Variants in KCNH7 observed in about 807,000 individuals in gnomAD.
KCNH7 encodes potassium voltage-gated channel subfamily H member 7.
In KCNH7, 49 loss-of-function variants were observed where a neutral mutation model predicts 120.8. That is an observed-to-expected ratio of 0.41 (90% confidence interval 0.32 to 0.51). KCNH7 has a LOEUF of 0.51. KCNH7 is among the 20% of genes least tolerant of loss of function. The pLI is 0.38. For missense variants in KCNH7, 1,097 were observed against 1,446.6 expected (o/e 0.76, Z 3.92); for synonymous variants, 547 against 516.1 (o/e 1.06, Z -0.81).
At chr2:162,397,855 G>A (rs1447645357) in intron 10 of KCNH7, among the ~76,000 whole-genome samples, 1 of 151,828 alleles carries the variant, frequency 6.6e-6, no homozygotes, top group Non-Finnish European at 1.5e-5. Context: ...AAACTGATTA[G>A]CCTAACATCA....
intron 9 of KCNH7, among the ~76,000 whole-genome samples, chr2:162,416,675 G>T (rs903506768): frequency 6.6e-6 from 1 of 152,112 alleles, no homozygotes; most frequent in Non-Finnish European, 1.5e-5. Context: ...ACAGAAGAGA[G>T]GGAAGAATGA....
chr2:162,699,011 ATAT>A, intron 2 of KCNH7, among the ~76,000 whole-genome samples: 1 of 152,262 alleles, frequency 6.6e-6, no homozygotes, highest in Non-Finnish European at 1.5e-5. Flanking sequence ...ATATGTATAC[ATAT>A]TATAAATGGC....
intron 2 of KCNH7, among the ~76,000 whole-genome samples, chr2:162,579,073 GT>G (rs1160933644): frequency 1.3e-5 from 2 of 151,486 alleles, no homozygotes; most frequent in Middle Eastern, 3.2e-3. Flanking sequence ...AAATGTGTCA[GT>G]TTTTTTTCTG....
intron 3 of KCNH7, among the ~76,000 whole-genome samples, chr2:162,534,223 T>C (rs1203942641): frequency 1.3e-5 from 2 of 151,214 alleles, no homozygotes; most frequent in Non-Finnish European, 3.0e-5. Flanking sequence ...TGAAAATAAA[T>C]CGATGCAATG....
chr2:162,837,280 C>G (rs1428782678), intron 1 of KCNH7, among the ~76,000 whole-genome samples: 2 of 152,132 alleles, frequency 1.3e-5, no homozygotes, highest in Non-Finnish European at 2.9e-5. Flanking sequence ...AAAACAAAGG[C>G]AACTAGCTTT....
chr2:162,761,093 C>G (rs1685195748), intron 2 of KCNH7, among the ~76,000 whole-genome samples: 1 of 152,070 alleles, frequency 6.6e-6, no homozygotes, highest in Admixed American at 6.6e-5. Flanking sequence ...ACTAGTAACA[C>G]AATTCTCTTC....
At chr2:162,734,539 G>GT (rs34889198) in intron 2 of KCNH7, among the ~76,000 whole-genome samples, 2 of 152,010 alleles carry the variant, frequency 1.3e-5, no homozygotes, top group Admixed American at 1.3e-4. Flanking sequence ...ACATTATGCT[G>GT]TTTTTTTCCA....
chr2:162,619,243 C>T (rs941505939), intron 2 of KCNH7, among the ~76,000 whole-genome samples: 8 of 151,894 alleles, frequency 5.3e-5, no homozygotes, highest in African/African-American at 1.9e-4. Flanking sequence ...TAAGATGTGT[C>T]CCCCAAAATA....
intron 2 of KCNH7, among the ~76,000 whole-genome samples, chr2:162,569,265 T>A (rs1022711792): frequency 1.2e-4 from 19 of 152,036 alleles, no homozygotes; most frequent in Non-Finnish European, 1.9e-4. Flanking sequence ...TGGGAGAGTG[T>A]ATGTGTGGAG....
intron 2 of KCNH7, among the ~76,000 whole-genome samples, chr2:162,691,515 A>G (rs1686100852): frequency 6.6e-6 from 1 of 152,192 alleles, no homozygotes; most frequent in Non-Finnish European, 1.5e-5. Context: ...ATTCTTTAAA[A>G]TGATGAATTA....
rs527580163 is a variant in KCNH7, at chr2:162,836,571, C to A, written c.273G>T (p.Glu91Asp). 1 of 1,613,978 alleles carries A rather than the reference C, an allele frequency of 6.2e-7. No individual in the cohort carries two copies. Among genetic ancestry groups the A allele is most frequent in the Non-Finnish European group, 8.5e-7 (1 of 1,180,028 alleles). Residue 91 changes from glutamate to aspartate, a missense_variant, in exon 2 of 16, where the codon GAG (glutamate) becomes GAT (aspartate). This residue lies in a region of KCNH7 where 57 missense variants were observed against 116.2 expected (regional missense o/e 0.49). Coordinates refer to ENST00000332142, the MANE Select transcript of KCNH7 (RefSeq NM_033272.4). Reference sequence around the variant, plus strand: ...GATAGTAGGTGACCTCCACTTTCCTCTCTTCTGACCCCAGCAATGCCTGGG... The same window carrying A: ...GATAGTAGGTGACCTCCACTTTCCTATCTTCTGACCCCAGCAATGCCTGGG... ...QIAQALLGSE[E>D]RKVEVTYYHK...
intron 6 of KCNH7, among the ~76,000 whole-genome samples, chr2:162,494,587 A>C (rs1690431910): frequency 6.6e-6 from 1 of 152,154 alleles, no homozygotes; most frequent in African/African-American, 2.4e-5. Context: ...ATCATAATAA[A>C]GGTTATTATG....
intron 2 of KCNH7, among the ~76,000 whole-genome samples, chr2:162,680,624 A>G (rs1409987114): frequency 6.6e-6 from 1 of 151,736 alleles, no homozygotes; most frequent in Non-Finnish European, 1.5e-5. Flanking sequence ...CTTATAATCT[A>G]TTGGGAAGCT....
chr2:162,622,413 T>C (rs1294576042), intron 2 of KCNH7, among the ~76,000 whole-genome samples: 1 of 152,216 alleles, frequency 6.6e-6, no homozygotes, highest in Non-Finnish European at 1.5e-5. Context: ...GTTCTTTTTT[T>C]ATTAGAAGTA....
chr2:162,598,015 G>A (rs955349344), intron 2 of KCNH7, among the ~76,000 whole-genome samples: 5 of 151,866 alleles, frequency 3.3e-5, no homozygotes, highest in African/African-American at 1.2e-4. Context: ...AGTATTCCTG[G>A]CCAATCTCTT....
At chr2:162,420,536 C>T (rs1052811307) in intron 9 of KCNH7, among the ~76,000 whole-genome samples, 4 of 152,158 alleles carry the variant, frequency 2.6e-5, no homozygotes, top group African/African-American at 9.7e-5. Context: ...AGTTTTGAAA[C>T]ATTCTGGCAA....
intron 12 of KCNH7, among the ~76,000 whole-genome samples, chr2:162,388,961 T>G (rs1322479861): frequency 6.6e-6 from 1 of 151,870 alleles, no homozygotes; most frequent in Non-Finnish European, 1.5e-5. Context: ...GGGAAATGAG[T>G]AAAGTTTTCT....
At chr2:162,536,889 A>G in intron 3 of KCNH7, 36 bp downstream of exon 3, 2 of 1,574,248 alleles carry the variant, frequency 1.3e-6, no homozygotes, top group South Asian at 2.2e-5. Context: ...TAGCAGAATT[A>G]TCAAGAGCAT....
Position 162,691,099 on chromosome 2 carries a change from A to C in KCNH7, c.307+145438T>G, listed in dbSNP as rs1405169382. ...AATAACAACAATCAGATAGCTCTCT[A>C]AATATTAAACAGACATCTCTCCAAA... On this transcript the variant is annotated intron_variant, in intron 2 of 15. Transcript: ENST00000332142. 2.6e-5 allele frequency among the ~76,000 whole-genome samples: 4 copies of C among 152,174 alleles called. No homozygotes were observed. The East Asian group carries it at 7.7e-4, about 29-fold the overall frequency.
Sources: allele counts gnomAD v4.1 joint callset (sites outside exome capture counted in the v4.1 genomes callset), GRCh38; gene constraint gnomAD v4.1.1; regional missense constraint gnomAD v4.1.1; transcripts MANE v1.5; gene names NCBI Gene and HGNC (gene_info 2026-07-23, HGNC 2026-07-21).